Variants in PLPPR5 observed in about 807,000 individuals in gnomAD.
The protein encoded by PLPPR5 is phospholipid phosphatase related 5, also known as phospholipid phosphatase-related protein type 5.
Under a neutral mutation model 33.9 loss-of-function variants are expected in PLPPR5, and 16 were observed. The ratio of observed to expected loss-of-function variants is 0.47; its 90% CI spans 0.32 to 0.72. The LOEUF (loss-of-function observed/expected upper bound fraction) is 0.72, where lower values mean the gene tolerates loss of function less well. Ranked by LOEUF, PLPPR5 falls within the 30% of genes least tolerant of loss-of-function variation. The pLI, the probability that PLPPR5 is intolerant of heterozygous loss-of-function variation, is 0.03. For missense variants in PLPPR5, 301 were observed against 406.7 expected, an observed-to-expected ratio of 0.74 and a Z score of 2.23; for synonymous variants, 163 against 150.3, an observed-to-expected ratio of 1.08 and a Z score of -0.62.
chr1:98,980,366 C>T (rs17273808), intron 1 of PLPPR5, among the ~76,000 whole-genome samples: 2,090 of 152,156 alleles, frequency 0.014, 31 homozygotes, highest in Non-Finnish European at 0.018. Context: ...GACTCTAGTA[C>T]ACTCATATCA....
intron 2 of PLPPR5, among the ~76,000 whole-genome samples, chr1:98,954,689 C>A (rs1650938281): frequency 6.6e-6 from 1 of 152,058 alleles, no homozygotes; most frequent in African/African-American, 2.4e-5. Flanking sequence ...GTAAGAAGCC[C>A]TTTCTTAACA....
At chr1:98,919,888 C>G (rs111309499) in intron 4 of PLPPR5, among the ~76,000 whole-genome samples, 137 of 152,202 alleles carry the variant, frequency 9.0e-4, no homozygotes, top group African/African-American at 3.1e-3. Context: ...CTTTATAGAG[C>G]CTTATAATGA....
intron 3 of PLPPR5, among the ~76,000 whole-genome samples, chr1:98,930,150 G>C (rs1649912584): frequency 6.6e-6 from 1 of 152,148 alleles, no homozygotes; most frequent in Non-Finnish European, 1.5e-5. Context: ...TGAAGGGTTA[G>C]ATTTGGTATA....
intron 3 of PLPPR5, among the ~76,000 whole-genome samples, chr1:98,940,022 T>C (rs140841094): frequency 3.0e-4 from 45 of 151,978 alleles, no homozygotes; most frequent in African/African-American, 9.1e-4. Flanking sequence ...AATAGTCTAG[T>C]GTAAACGAGT....
chr1:98,987,206 C>T (rs1003201634), intron 1 of PLPPR5, among the ~76,000 whole-genome samples: 3 of 151,750 alleles, frequency 2.0e-5, no homozygotes, highest in African/African-American at 7.2e-5. Context: ...GATTTTTCCA[C>T]TTAAGCCCCG....
At chr1:99,002,134 C>T (rs1337818338) in intron 1 of PLPPR5, among the ~76,000 whole-genome samples, 1 of 152,076 alleles carries the variant, frequency 6.6e-6, no homozygotes, top group African/African-American at 2.4e-5. Flanking sequence ...CCTTACTGCT[C>T]CCAGCTCCTC....
rs759905532 is a variant in PLPPR5 at position 98,891,179 on chromosome 1, G to A, written c.*1893C>T. ...TTCTTCATGTTCTAAATTTCCAACAGGACTGAATTGCTCTAGAGGTCTGAA... is the reference window on the plus strand; with the variant it reads ...TTCTTCATGTTCTAAATTTCCAACAAGACTGAATTGCTCTAGAGGTCTGAA... On this transcript the variant is annotated 3_prime_UTR_variant, in exon 6 of 6. Coordinates refer to ENST00000263177, the MANE Select transcript of PLPPR5 (RefSeq NM_001037317.2). The A allele has an allele frequency of 1.3e-5, 2 of 152,072 alleles. No homozygotes were observed. Among genetic ancestry groups the A allele is most frequent in the Non-Finnish European group, 2.9e-5 (2 of 68,006 alleles). 9.4% of individuals were successfully genotyped at this position (152,072 alleles called of 1,614,324 possible). A position where few individuals can be genotyped will look rare whatever the true frequency, so the allele number is the denominator to read the frequency against.
rs1165115333 is a variant in PLPPR5, at chr1:99,004,494, T to G, written c.178A>C (p.Ser60Arg). The change falls in exon 1 of 6, where the codon AGC becomes CGC. Residue 60 changes from serine to arginine, a missense_variant. Physicochemically the swap from Ser to Arg is moderately radical, Grantham distance 110. Coordinates refer to ENST00000263177, the MANE Select transcript of PLPPR5 (RefSeq NM_001037317.2). ...AGGAGCACGGGGGGCACGGCGCTGC[T>G]GTCCTCCGGGCCCGGGTAGGGTTTG... Reference protein sequence around the residue: ...YRKPYPGPEDSSAVPPVLLYS... With the variant: ...YRKPYPGPEDRSAVPPVLLYS... 1.2e-6 allele frequency: 2 copies of G among 1,612,926 alleles called. No homozygotes were observed. Among genetic ancestry groups the G allele is most frequent in the Non-Finnish European group, 8.5e-7 (1 of 1,179,754 alleles).
chr1:98,966,062 T>A (rs897425304), intron 1 of PLPPR5, among the ~76,000 whole-genome samples: 1 of 152,198 alleles, frequency 6.6e-6, no homozygotes, highest in African/African-American at 2.4e-5. Flanking sequence ...AACTTGCTAA[T>A]TTCCCTGTTT....
rs144495404 is a variant in PLPPR5 at position 98,972,318 on chromosome 1, A to G, written c.238-15577T>C. Among the ~76,000 whole-genome samples, 656 of 152,264 alleles carry G rather than the reference A, an allele frequency of 4.3e-3. 6 individuals carry two copies. Among genetic ancestry groups the G allele is most frequent in the South Asian group, 0.025 (120 of 4,826 alleles). Reference sequence around the variant, plus strand: ...GAACAAATACTTAGACATTGCCTCAAAAAGCAACAGAAAACAATTCTACTT... The same window carrying G: ...GAACAAATACTTAGACATTGCCTCAGAAAGCAACAGAAAACAATTCTACTT... On this transcript the variant is annotated intron_variant, in intron 1 of 5. Transcript: ENST00000263177.
chr1:98,915,463 G>T (rs925098563), intron 4 of PLPPR5, among the ~76,000 whole-genome samples: 7 of 151,928 alleles, frequency 4.6e-5, no homozygotes, highest in Non-Finnish European at 8.8e-5. Context: ...GCTTACTGGG[G>T]CTACCACTGA....
chr1:98,892,902 G>T lies in PLPPR5; in HGVS notation c.*170C>A. The T allele has an allele frequency of 1.6e-6, 1 of 642,392 alleles. No individual in the cohort carries two copies. The highest frequency in any genetic ancestry group is 2.0e-5 in the South Asian group (1 of 49,740). The allele number at this position is 642,392 out of a possible 1,614,324, so 39.8% of individuals were successfully genotyped here. On this transcript the variant is annotated 3_prime_UTR_variant, in exon 6 of 6. Transcript: ENST00000263177. ...AAAAAAAGACAATCCTGCCCTCGAGGAGCTCACAGTCTAGTGGGGGAAACA... is the reference window on the plus strand; with the variant it reads ...AAAAAAAGACAATCCTGCCCTCGAGTAGCTCACAGTCTAGTGGGGGAAACA...
chr1:98,893,379 G>A (rs1304213822), intron 5 of PLPPR5, among the ~76,000 whole-genome samples: 2 of 151,970 alleles, frequency 1.3e-5, no homozygotes, highest in Non-Finnish European at 2.9e-5. Context: ...AAATGGCAAT[G>A]CCAGACACGT....
chr1:98,976,738 T>C (rs1453376468), intron 1 of PLPPR5, among the ~76,000 whole-genome samples: 2 of 152,076 alleles, frequency 1.3e-5, no homozygotes, highest in Admixed American at 6.6e-5. Flanking sequence ...TTAATAAGTG[T>C]GTATATTGAT....
At chr1:98,925,828 G>C (rs1017360457) in intron 3 of PLPPR5, among the ~76,000 whole-genome samples, 3 of 152,176 alleles carry the variant, frequency 2.0e-5, no homozygotes, top group African/African-American at 7.2e-5. Flanking sequence ...GAAATGGTGG[G>C]GGAAAGGTGT....
At chr1:98,999,483 G>C (rs1652748942) in intron 1 of PLPPR5, among the ~76,000 whole-genome samples, 1 of 152,202 alleles carries the variant, frequency 6.6e-6, no homozygotes, top group Non-Finnish European at 1.5e-5. Context: ...CAAGAGGTGG[G>C]TGTTTTTATG....
rs571188341 is a variant in PLPPR5, at chr1:98,966,948, C to T, written c.238-10207G>A. Among the ~76,000 whole-genome samples, 17 of 152,256 alleles carry T rather than the reference C, an allele frequency of 1.1e-4. No individual in the cohort carries two copies. In the East Asian group the frequency reaches 3.1e-3, roughly 28 times the overall value. On this transcript the variant is annotated intron_variant, in intron 1 of 5. Transcript: ENST00000263177. ...TGCACATTCTCGGGCCCCACCCCTA[C>T]TGACTCAAGAACTCTGGGGGTGGGG...
At chr1:98,910,888 GTTTT>G (rs66793213) in intron 5 of PLPPR5, among the ~76,000 whole-genome samples, 2 of 142,312 alleles carry the variant, frequency 1.4e-5, no homozygotes, top group Admixed American at 7.0e-5. Flanking sequence ...GCCAGAGAGT[GTTTT>G]TTTTTTTTTT....
chr1:98,918,506 G>A (rs1221388406), intron 4 of PLPPR5, among the ~76,000 whole-genome samples: 2 of 152,076 alleles, frequency 1.3e-5, no homozygotes, highest in African/African-American at 2.4e-5. Flanking sequence ...ATTTTGCTAA[G>A]TATGGTGATT....
Sources: allele counts gnomAD v4.1 joint callset (sites outside exome capture counted in the v4.1 genomes callset), GRCh38; gene constraint gnomAD v4.1.1; transcripts MANE v1.5; gene names NCBI Gene and HGNC (gene_info 2026-07-23, HGNC 2026-07-21).